Variants in COMMD1 observed in about 807,000 individuals in gnomAD.
The protein encoded by COMMD1 is copper metabolism domain containing 1.
Under a neutral mutation model 17.2 loss-of-function variants are expected in COMMD1, and 10 were observed. The ratio of observed to expected loss-of-function variants is 0.58; its 90% CI spans 0.36 to 0.99. The LOEUF is 0.99. COMMD1 is among the 50% of genes least tolerant of loss of function. The pLI is 0.01. For synonymous variants in COMMD1, 97 were observed against 91.6 expected (o/e 1.06, Z -0.34); for missense variants, 270 against 231.8 (o/e 1.17, Z -1.07).
chr2:61,897,143 A>G (rs1306497431), intron 1 of COMMD1, among the ~76,000 whole-genome samples: 1 of 152,172 alleles, frequency 6.6e-6, no homozygotes, highest in Non-Finnish European at 1.5e-5. Flanking sequence ...GGATATTCTT[A>G]ACACCAGAAA....
At chr2:62,006,344 A>C (rs1669120044) in intron 2 of COMMD1, among the ~76,000 whole-genome samples, 1 of 151,942 alleles carries the variant, frequency 6.6e-6, no homozygotes. Context: ...CTTAAAGTAT[A>C]ATAATAATTA....
intron 2 of COMMD1, among the ~76,000 whole-genome samples, chr2:62,026,833 G>A (rs1485562788): frequency 6.6e-6 from 1 of 152,076 alleles, no homozygotes; most frequent in African/African-American, 2.4e-5. Flanking sequence ...AGATTGTTCT[G>A]AAAATTAAAG....
At chr2:62,024,155 G>C (rs1187828664) in intron 2 of COMMD1, among the ~76,000 whole-genome samples, 2 of 152,020 alleles carry the variant, frequency 1.3e-5, no homozygotes, top group Non-Finnish European at 2.9e-5. Flanking sequence ...AGTACCAAAA[G>C]AAAATACATG....
At chr2:62,034,638 G>A (rs1290540089) in intron 2 of COMMD1, among the ~76,000 whole-genome samples, 1 of 152,104 alleles carries the variant, frequency 6.6e-6, no homozygotes, top group Non-Finnish European at 1.5e-5. Flanking sequence ...TCATCATTTT[G>A]TAATTGGGCC....
intron 2 of COMMD1, among the ~76,000 whole-genome samples, chr2:62,072,217 C>T (rs567671269): frequency 6.6e-6 from 1 of 152,148 alleles, no homozygotes; most frequent in East Asian, 1.9e-4. Context: ...CTGGTGAAAC[C>T]CAACCTTCAA....
intron 2 of COMMD1, among the ~76,000 whole-genome samples, chr2:62,117,268 A>G (rs1573205439): frequency 6.6e-6 from 1 of 152,158 alleles, no homozygotes; most frequent in East Asian, 1.9e-4. Context: ...ATCTACCAAA[A>G]TGTATGTACT....
intron 1 of COMMD1, among the ~76,000 whole-genome samples, chr2:61,906,772 C>T (rs779847425): frequency 7.2e-5 from 11 of 151,930 alleles, no homozygotes; most frequent in Non-Finnish European, 1.2e-4. Flanking sequence ...ATAGTGGACA[C>T]CCATGGTAAA....
At chr2:61,944,412 G>C (rs2103646727) in intron 1 of COMMD1, among the ~76,000 whole-genome samples, 2 of 152,006 alleles carry the variant, frequency 1.3e-5, no homozygotes, top group South Asian at 4.2e-4. Flanking sequence ...GATGGTGTCA[G>C]AGGACTCCAG....
At chr2:61,940,149 G>C (rs1163031219) in intron 1 of COMMD1, among the ~76,000 whole-genome samples, 1 of 152,138 alleles carries the variant, frequency 6.6e-6, no homozygotes, top group Non-Finnish European at 1.5e-5. Flanking sequence ...CTCCACAAAA[G>C]GCTACAAAGT....
intron 2 of COMMD1, among the ~76,000 whole-genome samples, chr2:62,053,283 C>T (rs999463164): frequency 6.6e-6 from 1 of 151,764 alleles, no homozygotes; most frequent in African/African-American, 2.4e-5. Flanking sequence ...CCAAGACCAA[C>T]TAATAGGAAA....
intron 1 of COMMD1, among the ~76,000 whole-genome samples, chr2:61,894,572 T>G (rs1446173761): frequency 6.6e-6 from 1 of 151,916 alleles, no homozygotes; most frequent in East Asian, 1.9e-4. Flanking sequence ...TAGAAACGTT[T>G]CAAGGAAAAT....
intron 2 of COMMD1, among the ~76,000 whole-genome samples, chr2:62,030,181 T>TG (rs1349721400): frequency 6.6e-6 from 1 of 152,224 alleles, no homozygotes; most frequent in Non-Finnish European, 1.5e-5. Flanking sequence ...GGGGGTCTTA[T>TG]GGCCCACAGT....
At chr2:62,042,235 G>C (rs1264284159) in intron 2 of COMMD1, among the ~76,000 whole-genome samples, 1 of 152,150 alleles carries the variant, frequency 6.6e-6, no homozygotes, top group African/African-American at 2.4e-5. Flanking sequence ...TACCCGATTA[G>C]CTAGACACAG....
intron 2 of COMMD1, among the ~76,000 whole-genome samples, chr2:62,122,361 G>T (rs1254798001): frequency 6.6e-6 from 1 of 152,046 alleles, no homozygotes; most frequent in Non-Finnish European, 1.5e-5. Flanking sequence ...TGAGTCAGGG[G>T]TTAGCCAGTG....
At chr2:62,066,446 T>C (rs1034567987) in intron 2 of COMMD1, among the ~76,000 whole-genome samples, 4 of 151,874 alleles carry the variant, frequency 2.6e-5, no homozygotes, top group Non-Finnish European at 5.9e-5. Flanking sequence ...CTTTTTTTTT[T>C]TTTTTTTGAG....
At chr2:61,980,667 A>C (rs1671929538) in intron 1 of COMMD1, among the ~76,000 whole-genome samples, 1 of 144,606 alleles carries the variant, frequency 6.9e-6, no homozygotes, top group South Asian at 2.3e-4. Context: ...TCAGATGAGT[A>C]GGTTGCGAAA....
intron 2 of COMMD1, among the ~76,000 whole-genome samples, chr2:62,060,164 A>T (rs540705278): frequency 1.3e-5 from 2 of 152,102 alleles, no homozygotes; most frequent in African/African-American, 4.8e-5. Context: ...CCCTGTCTCT[A>T]TGAAAAATAC....
rs1553367040 is a variant in COMMD1 at position 61,913,816 on chromosome 2, A to AAG, written c.180+7960_180+7961dup. Among the ~76,000 whole-genome samples, 718 of 100,156 alleles carry AAG rather than the reference A, an allele frequency of 7.2e-3. 100 individuals carry two copies. Among genetic ancestry groups the AAG allele is most frequent in the African/African-American group, 0.023 (602 of 26,300 alleles). 65.7% of individuals were successfully genotyped at this position (100,156 alleles called of 152,430 possible). ...ATCTCCAAAAAAAAAAAAAAAAAAA[A>AAG]AGAAAAGTGTGTTAACCTCTGTTCC... On this transcript the variant is annotated intron_variant, in intron 1 of 2. Coordinates refer to ENST00000311832, the MANE Select transcript of COMMD1 (RefSeq NM_152516.4).
At chr2:62,059,542 A>AT (rs1254550517) in intron 2 of COMMD1, among the ~76,000 whole-genome samples, 1 of 151,674 alleles carries the variant, frequency 6.6e-6, no homozygotes. Context: ...GCCTCTCCCC[A>AT]TTTTTTCCCC....
Sources: allele counts gnomAD v4.1 joint callset (sites outside exome capture counted in the v4.1 genomes callset), GRCh38; gene constraint gnomAD v4.1.1; transcripts MANE v1.5; gene names NCBI Gene and HGNC (gene_info 2026-07-23, HGNC 2026-07-21).